The following KHDRBS2 variants were observed in gnomAD, a reference collection of about 807,000 sequenced individuals.
KHDRBS2 encodes KH RNA binding domain containing, signal transduction associated 2, also known as KH domain-containing, RNA-binding, signal transduction-associated protein 2.
Under a neutral mutation model 44.3 loss-of-function variants are expected in KHDRBS2, and 26 were observed. The observed-to-expected ratio is 0.59, with a 90% CI of 0.43 to 0.81. KHDRBS2 has a LOEUF of 0.81. Among genes scored for constraint, KHDRBS2 ranks in the 40% least tolerant of loss-of-function variants. The pLI, the probability that KHDRBS2 is intolerant of heterozygous loss-of-function variation, is 0.00. For missense variants in KHDRBS2, 476 were observed against 433.1 expected (o/e 1.10, Z -0.88); for synonymous variants, 194 against 151.1 (o/e 1.28, Z -2.08).
chr6:61,993,030 T>C (rs941043358), intron 3 of KHDRBS2, among the ~76,000 whole-genome samples: 1 of 152,154 alleles, frequency 6.6e-6, no homozygotes, highest in African/African-American at 2.4e-5. Flanking sequence ...GAAACTGATA[T>C]GATATTGAGG....
At chr6:61,710,381 A>C (rs970369346) in intron 7 of KHDRBS2, among the ~76,000 whole-genome samples, 9 of 151,770 alleles carry the variant, frequency 5.9e-5, no homozygotes, top group African/African-American at 2.2e-4. Flanking sequence ...ACTGCGGCAT[A>C]CTTTGAACTC....
At chr6:62,047,449 T>C (rs955626681) in intron 3 of KHDRBS2, among the ~76,000 whole-genome samples, 1 of 151,826 alleles carries the variant, frequency 6.6e-6, no homozygotes, top group Non-Finnish European at 1.5e-5. Flanking sequence ...TAGAAATTGC[T>C]TCAGGTAAGA....
rs185010354 is a variant in KHDRBS2, at chr6:62,262,663, G to A, written c.91+23195C>T. 1.5e-3 allele frequency among the ~76,000 whole-genome samples: 228 copies of A among 151,774 alleles called. 1 individual carries two copies. The highest frequency in any genetic ancestry group is 5.3e-3 in the African/African-American group (222 of 41,504). ...TCTGATAAATTTTTTTGGGGGGTTA[G>A]TGGACTTATTTTTAGCAAGTATTGC... is the stretch of plus-strand genomic sequence containing the variant. On this transcript the variant is annotated intron_variant, in intron 1 of 8. Coordinates refer to ENST00000281156, the MANE Select transcript of KHDRBS2 (RefSeq NM_152688.4).
chr6:62,166,868 A>T (rs183417375), intron 2 of KHDRBS2, among the ~76,000 whole-genome samples: 1 of 152,204 alleles, frequency 6.6e-6, no homozygotes, highest in East Asian at 1.9e-4. Context: ...CCGTGAGCTA[A>T]TGAGTGTAGA....
intron 1 of KHDRBS2, among the ~76,000 whole-genome samples, chr6:62,190,010 A>C (rs184853301): frequency 5.3e-5 from 8 of 152,050 alleles, no homozygotes; most frequent in Admixed American, 1.3e-4. Flanking sequence ...AATTTATAGG[A>C]GTGGGAGAGA....
At chr6:61,585,023 G>A in the KHDRBS2 span, among the ~76,000 whole-genome samples, 1 of 151,632 alleles carries the variant, frequency 6.6e-6, no homozygotes, top group Non-Finnish European at 1.5e-5. Context: ...AACTATTCTT[G>A]TATTCCTTTC....
intron 3 of KHDRBS2, among the ~76,000 whole-genome samples, chr6:61,993,681 T>G (rs373230876): frequency 1.2e-5 from 1 of 86,250 alleles, no homozygotes; most frequent in Admixed American, 1.6e-4. Flanking sequence ...ATATTTTTTT[T>G]TTTTGATGTG....
At chr6:62,088,963 G>T (rs1419497966) in intron 2 of KHDRBS2, among the ~76,000 whole-genome samples, 1 of 152,140 alleles carries the variant, frequency 6.6e-6, no homozygotes, top group Non-Finnish European at 1.5e-5. Context: ...CAGTGGATTT[G>T]CCCAGTGGCA....
At chr6:61,831,658 T>G (rs1367622728) in intron 6 of KHDRBS2, among the ~76,000 whole-genome samples, 1 of 152,132 alleles carries the variant, frequency 6.6e-6, no homozygotes, top group Admixed American at 6.6e-5. Context: ...GCACATAAAA[T>G]GTACATAATA....
chr6:61,758,973 C>T (rs910959956), intron 6 of KHDRBS2, among the ~76,000 whole-genome samples: 1 of 151,706 alleles, frequency 6.6e-6, no homozygotes, highest in African/African-American at 2.4e-5. Context: ...AACACATGGA[C>T]AATACTATAA....
chr6:62,170,785 A>G (rs189980407), intron 2 of KHDRBS2, among the ~76,000 whole-genome samples: 138 of 152,198 alleles, frequency 9.1e-4, no homozygotes, highest in African/African-American at 3.2e-3. Context: ...AAGGGGCCAG[A>G]GAACAAAGAT....
chr6:61,936,357 G>A (rs189217971), intron 4 of KHDRBS2, among the ~76,000 whole-genome samples: 3 of 151,688 alleles, frequency 2.0e-5, no homozygotes, highest in Non-Finnish European at 4.4e-5. Flanking sequence ...TTTTTATTCG[G>A]CCCCATAGGG....
At chr6:61,860,740 T>C (rs928286451) in intron 6 of KHDRBS2, among the ~76,000 whole-genome samples, 6 of 152,122 alleles carry the variant, frequency 3.9e-5, no homozygotes, top group Non-Finnish European at 8.8e-5. Flanking sequence ...TATCCAGTAA[T>C]GAAATTGCTG....
At chr6:61,606,700 C>T in the KHDRBS2 span, among the ~76,000 whole-genome samples, 2 of 152,090 alleles carry the variant, frequency 1.3e-5, no homozygotes, top group Non-Finnish European at 2.9e-5. Flanking sequence ...GGTAGCAGCC[C>T]TCAGAAAGAA....
chr6:61,659,335 A>G, the KHDRBS2 span, among the ~76,000 whole-genome samples: 3 of 151,772 alleles, frequency 2.0e-5, no homozygotes, highest in African/African-American at 7.2e-5. Flanking sequence ...AAGTACTCCT[A>G]GAGACAGCTA....
At chr6:62,088,311 C>A (rs1200885260) in intron 2 of KHDRBS2, among the ~76,000 whole-genome samples, 2 of 152,132 alleles carry the variant, frequency 1.3e-5, no homozygotes, top group East Asian at 3.9e-4. Flanking sequence ...CTTTTTTGGG[C>A]TGTTTTTTCC....
At chr6:61,716,844 A>G (rs1250641155) in intron 7 of KHDRBS2, among the ~76,000 whole-genome samples, 1 of 152,036 alleles carries the variant, frequency 6.6e-6, no homozygotes, top group Non-Finnish European at 1.5e-5. Context: ...TTTGCAACAC[A>G]TCAGGTTCTT....
the KHDRBS2 span, among the ~76,000 whole-genome samples, chr6:61,552,525 C>T: frequency 6.6e-6 from 1 of 151,984 alleles, no homozygotes; most frequent in Non-Finnish European, 1.5e-5. Flanking sequence ...GCCAGGTTTT[C>T]CAGTACTATG....
chr6:61,869,384 T>C (rs1583254023), intron 6 of KHDRBS2, among the ~76,000 whole-genome samples: 1 of 152,282 alleles, frequency 6.6e-6, no homozygotes, highest in South Asian at 2.1e-4. Flanking sequence ...ATATAACCAG[T>C]GATAGTATAT....
Sources: gnomAD v4.1 joint callset for allele counts (sites outside exome capture counted in the v4.1 genomes callset) on GRCh38, gnomAD v4.1.1 for gene constraint, MANE v1.5 for transcripts, NCBI Gene and HGNC (gene_info 2026-07-23, HGNC 2026-07-21) for gene names.